Variants in NUP214 observed in about 807,000 individuals in gnomAD.
The protein encoded by NUP214 is nucleoporin 214.
A neutral mutation model predicts 196.2 loss-of-function variants in NUP214; 79 were observed. The observed-to-expected ratio is 0.40, with a 90% CI of 0.34 to 0.49. NUP214 has a LOEUF of 0.49. Ranked by LOEUF, NUP214 falls within the 20% of genes least tolerant of loss-of-function variation. NUP214 has a pLI of 0.58. For missense variants in NUP214, 2,468 were observed against 2,539.0 expected (o/e 0.97, Z 0.60); for synonymous variants, 1,020 against 990.5 (o/e 1.03, Z -0.56).
intron 18 of NUP214, among the ~76,000 whole-genome samples, chr9:131,160,380 T>A (rs1832592763): frequency 6.6e-6 from 1 of 152,238 alleles, no homozygotes; most frequent in Admixed American, 6.5e-5. Context: ...TTAGAAAACA[T>A]TTGTAATTAG....
Position 131,125,752 on chromosome 9 carries a change from C to T in NUP214, c.45+3C>T. ...TGATTCCCGAGCGGGAGATGAAGGT[C>T]AGAGACTAACCGGGGCCTCCCTCCC... On this transcript the variant is annotated splice_donor_region_variant and intron_variant, in intron 1 of 35. Transcript: ENST00000359428. This position sits in a 1 kb window ranked among gnomAD's most constrained non-coding sequence, Gnocchi z 4.1. 6.4e-7 allele frequency: 1 copy of T among 1,551,684 alleles called. No individual in the cohort carries two copies. Among genetic ancestry groups the T allele is most frequent in the East Asian group, 2.4e-5 (1 of 40,826 alleles).
At chr9:131,209,986 G>A (rs1588169426) in intron 30 of NUP214, among the ~76,000 whole-genome samples, 1 of 152,144 alleles carries the variant, frequency 6.6e-6, no homozygotes. Context: ...CTAACCAGAG[G>A]TGAGCTCAGT....
At chr9:131,231,184 GAA>G (rs1403796699) in intron 34 of NUP214, among the ~76,000 whole-genome samples, 1 of 151,348 alleles carries the variant, frequency 6.6e-6, no homozygotes, top group Non-Finnish European at 1.5e-5. Flanking sequence ...GAAAGTGGTT[GAA>G]ACATATATAT....
At chr9:131,184,046 T>C (rs1332530778) in intron 24 of NUP214, among the ~76,000 whole-genome samples, 1 of 145,066 alleles carries the variant, frequency 6.9e-6, no homozygotes, top group Non-Finnish European at 1.5e-5. Context: ...TTTTTTTTTT[T>C]TTGAGATGGA....
In NUP214 at chr9:131,134,776, A is replaced by G. The variant is rs528289158; in HGVS notation, c.832-122A>G. On this transcript the variant is annotated intron_variant, in intron 7 of 35. Coordinates refer to ENST00000359428, the MANE Select transcript of NUP214 (RefSeq NM_005085.4). ...TGCTGCCTTTATACCATGTCCGTAT[A>G]TCTGGACTTTGAGTAAATATTCTCA... 3 of 672,834 alleles carry G rather than the reference A, an allele frequency of 4.5e-6. No individual in the cohort carries two copies. The African/African-American group carries it at 5.4e-5, about 12-fold the overall frequency. The allele number at this position is 672,834 out of a possible 1,614,324, so 41.7% of individuals were successfully genotyped here. A position where few individuals can be genotyped will look rare whatever the true frequency, so the allele number is the denominator to read the frequency against.
At chr9:131,130,137 G>GTTTTTTATTT in intron 4 of NUP214, among the ~76,000 whole-genome samples, 1 of 76,894 alleles carries the variant, frequency 1.3e-5, no homozygotes, top group Admixed American at 2.1e-4. Context: ...TTCTGGTTTT[G>GTTTTTTATTT]TTTTTTTTTT....
intron 12 of NUP214, among the ~76,000 whole-genome samples, chr9:131,145,255 A>G (rs1306075096): frequency 1.3e-5 from 2 of 152,062 alleles, no homozygotes; most frequent in African/African-American, 2.4e-5. Context: ...TTAGGTTGGT[A>G]TCCAGTTTCC....
At position 131,163,911 on chromosome 9, in the gene NUP214, A is replaced by T; in HGVS notation, c.2765A>T (p.Lys922Ile). The T allele has an allele frequency of 6.2e-7, 1 of 1,614,148 alleles. No homozygotes were observed. The highest frequency in any genetic ancestry group is 1.6e-4 in the Middle Eastern group (1 of 6,062). Residue 922 changes from lysine (K) to isoleucine (I), a missense_variant, in exon 20 of 36, where the codon AAA (lysine) becomes ATA (isoleucine). This residue lies in a region of NUP214 where 1,801 missense variants were observed against 1,779.4 expected (regional missense o/e 1.01). Coordinates refer to ENST00000359428, the MANE Select transcript of NUP214 (RefSeq NM_005085.4). ...GAAAGCCTGTGCAATGCTTTGTTGA[A>T]AACCACCATAGAATCTCACACCAAA... ...DLESLCNALL[K>I]TTIESHTKSL...
chr9:131,140,633 A>C lies in NUP214; in HGVS notation c.1217A>C (p.Gln406Pro). 6.2e-7 allele frequency: 1 copy of C among 1,614,068 alleles called. No individual in the cohort carries two copies. Among genetic ancestry groups the C allele is most frequent in the Admixed American group, 1.7e-5 (1 of 60,018 alleles). Residue 406 changes from glutamine (Q) to proline (P), a missense_variant, in exon 11 of 36, where the codon CAA becomes CCA. Physicochemically the swap from Gln to Pro is moderately conservative, Grantham distance 76. Around this residue, in one of 5 missense-constraint regions of NUP214, gnomAD observed 1,801 missense variants for 1,779.4 expected, o/e 1.01. Coordinates refer to ENST00000359428, the MANE Select transcript of NUP214 (RefSeq NM_005085.4). The stretch of plus-strand genomic sequence containing the variant: ...CTTTGTCCATTTTATATGATTAATC[A>C]AAATCCTGGGGTTAAGTCTCTCATC... ...GVLCPFYMINQNPGVKSLIKT... is the reference protein window; with the variant it reads ...GVLCPFYMINPNPGVKSLIKT...
chr9:131,130,903 G>C, intron 5 of NUP214, 67 bp downstream of exon 5: 1 of 1,272,732 alleles, frequency 7.9e-7, no homozygotes, highest in South Asian at 1.2e-5. Flanking sequence ...TGGTTTGGGA[G>C]TATCTTTCTT....
intron 21 of NUP214, among the ~76,000 whole-genome samples, chr9:131,165,491 T>C (rs529280887): frequency 5.9e-5 from 9 of 152,260 alleles, no homozygotes; most frequent in South Asian, 4.1e-4. Context: ...GGTGAAGATA[T>C]GGAAAAAATG....
At chr9:131,193,244 G>T (rs945101133) in intron 27 of NUP214, among the ~76,000 whole-genome samples, 1 of 138,286 alleles carries the variant, frequency 7.2e-6, no homozygotes, top group African/African-American at 3.0e-5. Context: ...CTGAAGCATT[G>T]GGTTAGACTC....
At chr9:131,130,142 T>TG (rs1311016037) in intron 4 of NUP214, among the ~76,000 whole-genome samples, 4 of 103,526 alleles carry the variant, frequency 3.9e-5, no homozygotes, top group Non-Finnish European at 6.2e-5. Context: ...GTTTTGTTTT[T>TG]TTTTTTTTGT....
chr9:131,187,182 C>A, intron 24 of NUP214, 107 bp from the exon 25 acceptor site: 2 of 903,166 alleles, frequency 2.2e-6, no homozygotes, highest in South Asian at 1.4e-5. Flanking sequence ...CATCTGTATC[C>A]TACCCAAAAC....
At chr9:131,163,429 T>C in intron 19 of NUP214, 1 of 486,550 alleles carries the variant, frequency 2.1e-6, no homozygotes, top group Non-Finnish European at 3.6e-6. Flanking sequence ...GTGCTGAATA[T>C]ATCATAGCAA....
intron 4 of NUP214, among the ~76,000 whole-genome samples, chr9:131,130,052 G>T (rs1425496163): frequency 6.6e-6 from 1 of 151,896 alleles, no homozygotes; most frequent in Admixed American, 6.6e-5. Context: ...GATCTGTAAC[G>T]GTGGTACTCT....
chr9:131,221,926 TTGTC>T (rs1440702069), intron 31 of NUP214, among the ~76,000 whole-genome samples: 3 of 152,222 alleles, frequency 2.0e-5, no homozygotes, highest in Non-Finnish European at 4.4e-5. Context: ...TATGTGGACT[TTGTC>T]TGTTTATCTA....
Position 131,201,635 on chromosome 9 carries a change from T to C in NUP214, c.5522-12T>C, listed in dbSNP as rs1341358636. ...ATCCAAATTGAATTTTTGTTTTCTT[T>C]GTATTTTACAGGTTTTGGGTCTAGT... On this transcript the variant is annotated splice_polypyrimidine_tract_variant and intron_variant, in intron 29 of 35. Transcript: ENST00000359428. The C allele has an allele frequency of 4.3e-6, 7 of 1,610,390 alleles. No homozygotes were observed. In the Admixed American group the frequency reaches 1.0e-4, roughly 23 times the overall value.
chr9:131,202,926 A>G (rs1413331053), intron 30 of NUP214, among the ~76,000 whole-genome samples: 3 of 150,004 alleles, frequency 2.0e-5, no homozygotes, highest in African/African-American at 7.3e-5. Context: ...TTATTTATTT[A>G]TTTATTTATA....
Sources: gnomAD v4.1 joint callset for allele counts (sites outside exome capture counted in the v4.1 genomes callset) on GRCh38, gnomAD v4.1.1 for gene constraint, gnomAD v4.1.1 regional missense constraint, Gnocchi (gnomAD v3.1) non-coding constraint, MANE v1.5 for transcripts, NCBI Gene and HGNC (gene_info 2026-07-23, HGNC 2026-07-21) for gene names.